The following LEPROTL1 variants were observed in gnomAD, a reference collection of about 807,000 sequenced individuals.
LEPROTL1 encodes leptin receptor overlapping transcript like 1, also known as leptin receptor overlapping transcript-like 1.
Under a neutral mutation model 15.4 loss-of-function variants are expected in LEPROTL1, and 6 were observed. The ratio of observed to expected loss-of-function variants is 0.39; its 90% CI spans 0.21 to 0.77. The LOEUF (loss-of-function observed/expected upper bound fraction) is 0.77, where lower values mean the gene tolerates loss of function less well. Ranked by LOEUF, LEPROTL1 falls within the 30% of genes least tolerant of loss-of-function variation. The pLI is 0.41. For missense variants in LEPROTL1, 128 were observed against 158.1 expected (o/e 0.81, Z 1.02); for synonymous variants, 56 against 52.6 (o/e 1.06, Z -0.28).
intron 3 of LEPROTL1, chr8:30,132,173 G>A: frequency 6.4e-7 from 1 of 1,551,866 alleles, no homozygotes; most frequent in Non-Finnish European, 8.7e-7. Context: ...GAGTGAATCA[G>A]GTAGTCAGCT....
At chr8:30,112,040 T>C (rs1802659197), downstream of LEPROTL1, among the ~76,000 whole-genome samples, 1 of 152,152 alleles carries the variant, frequency 6.6e-6, no homozygotes, top group Non-Finnish European at 1.5e-5. Context: ...TACCAAGTTT[T>C]TGCTCATCCA....
chr8:30,112,062 TAGGAGTAA>T (rs772661316), downstream of LEPROTL1, among the ~76,000 whole-genome samples: 21 of 152,106 alleles, frequency 1.4e-4, no homozygotes, highest in Non-Finnish European at 3.1e-4. Flanking sequence ...ATCACCTGGA[TAGGAGTAA>T]AGGAGTAGTA....
Position 30,097,698 on chromosome 8 carries a change from TAC to T in LEPROTL1, c.16+2198_16+2199del, listed in dbSNP as rs71204262. On this transcript the variant is annotated intron_variant, in intron 1 of 3. Transcript: ENST00000321250. ...AAAAAAAAAAAAATATATATATATA[TAC>T]ACACACACACACACACACACACACA... is the stretch of plus-strand genomic sequence containing the variant. Among the ~76,000 whole-genome samples the T allele has an allele frequency of 1.0e-3, 111 of 108,766 alleles. 1 individual carries two copies. The Middle Eastern group carries it at 0.03, about 29-fold the overall frequency. 71.4% of individuals were successfully genotyped at this position (108,766 alleles called of 152,430 possible).
Position 30,107,251 on chromosome 8 carries a change from A to T in LEPROTL1, c.*1389A>T. On this transcript the variant is annotated 3_prime_UTR_variant, in exon 4 of 4. Transcript: ENST00000321250. ...CTTCAGAAACATACCTGACCAAAAA[A>T]TTCCCAGTAACCAGGCATGATCAAT... 2.0e-6 allele frequency: 2 copies of T among 985,510 alleles called. No individual in the cohort carries two copies. Among genetic ancestry groups the T allele is most frequent in the Non-Finnish European group, 2.4e-6 (2 of 829,936 alleles). 61.0% of individuals were successfully genotyped at this position (985,510 alleles called of 1,614,324 possible). A position where few individuals can be genotyped will look rare whatever the true frequency, so the allele number is the denominator to read the frequency against.
chr8:30,129,397 T>C (rs541871529), intron 3 of LEPROTL1, among the ~76,000 whole-genome samples: 10 of 152,216 alleles, frequency 6.6e-5, no homozygotes, highest in Non-Finnish European at 1.3e-4. Context: ...TAGTCTGTTC[T>C]CGTAGTGCTA....
intron 3 of LEPROTL1, among the ~76,000 whole-genome samples, chr8:30,127,287 TCA>T (rs1802918453): frequency 6.6e-6 from 1 of 152,134 alleles, no homozygotes; most frequent in East Asian, 1.9e-4. Flanking sequence ...CACCAAACTC[TCA>T]GACACTATTT....
intron 3 of LEPROTL1, among the ~76,000 whole-genome samples, chr8:30,114,887 G>A (rs999209681): frequency 2.6e-5 from 4 of 152,018 alleles, no homozygotes; most frequent in African/African-American, 9.7e-5. Flanking sequence ...TCTGCCTGGG[G>A]GTCACACGCA....
chr8:30,134,073 C>A (rs570736700), intron 4 of LEPROTL1, among the ~76,000 whole-genome samples: 1 of 152,310 alleles, frequency 6.6e-6, no homozygotes, highest in Non-Finnish European at 1.5e-5. Context: ...TGAGCCTGTA[C>A]TCAAAGATAA....
At chr8:30,112,304 C>T (rs868178152), downstream of LEPROTL1, among the ~76,000 whole-genome samples, 5 of 149,924 alleles carry the variant, frequency 3.3e-5, no homozygotes, top group African/African-American at 4.9e-5. Flanking sequence ...GGTGTGATCT[C>T]GGCTCACTGC....
At position 30,101,970 on chromosome 8, in the gene LEPROTL1, A is replaced by T. The variant is rs748645382; in HGVS notation, c.89A>T (p.Tyr30Phe). The T allele has an allele frequency of 2.5e-6, 4 of 1,590,608 alleles. No homozygotes were observed. Among genetic ancestry groups the T allele is most frequent in the African/African-American group, 2.7e-5 (2 of 74,250 alleles). Residue 30 changes from tyrosine (Y) to phenylalanine (F), a missense_variant, in exon 2 of 4, where the codon TAC (tyrosine) becomes TTC (phenylalanine). By Grantham distance (22) the Tyr-to-Phe change is conservative. Coordinates refer to ENST00000321250, the MANE Select transcript of LEPROTL1 (RefSeq NM_015344.3). ...ATGCTTGGATGTGCCCTTCCAATAT[A>T]CAAGTATGTAAAATGTTTGTCTTTC... Reference protein sequence around the residue: ...FLMLGCALPIYNKYWPLFVLF... With the variant: ...FLMLGCALPIFNKYWPLFVLF...
At chr8:30,102,009 G>T (rs1233151209) in intron 2 of LEPROTL1, 36 bp downstream of exon 2, 1 of 1,381,800 alleles carries the variant, frequency 7.2e-7, no homozygotes, top group Non-Finnish European at 1.0e-6. Context: ...ATATTTAAGG[G>T]TAAAATTTTT....
chr8:30,122,979 C>T (rs1511166), intron 3 of LEPROTL1, among the ~76,000 whole-genome samples: 4,209 of 152,262 alleles, frequency 0.028, 212 homozygotes, highest in African/African-American at 0.096. Flanking sequence ...CTTAACAGTA[C>T]GTGTTTGTCT....
chr8:30,115,826 T>A (rs12682629), intron 3 of LEPROTL1, among the ~76,000 whole-genome samples: 130,784 of 152,026 alleles, frequency 0.86, 57,411 homozygotes, highest in South Asian at 0.98. Context: ...TATAAAAATT[T>A]TAATACCCAG....
At chr8:30,127,924 T>C (rs182819247) in intron 3 of LEPROTL1, among the ~76,000 whole-genome samples, 1 of 151,956 alleles carries the variant, frequency 6.6e-6, no homozygotes, top group African/African-American at 2.4e-5. Context: ...CTACCAGTCA[T>C]GTAGCAAAGG....
chr8:30,115,487 C>A (rs1462713039), intron 3 of LEPROTL1, among the ~76,000 whole-genome samples: 3 of 151,672 alleles, frequency 2.0e-5, no homozygotes, highest in Non-Finnish European at 4.4e-5. Flanking sequence ...ATCCTCCTAC[C>A]TCAGCCTCCC....
chr8:30,128,307 A>G (rs534472087), intron 3 of LEPROTL1, among the ~76,000 whole-genome samples: 1 of 152,340 alleles, frequency 6.6e-6, no homozygotes, highest in South Asian at 2.1e-4. Context: ...TGGTTTAACC[A>G]ATCAGAGGAG....
At chr8:30,096,550 C>A in intron 1 of LEPROTL1, 2 of 215,030 alleles carry the variant, frequency 9.3e-6, no homozygotes, top group Non-Finnish European at 1.6e-5. Flanking sequence ...TTTCATTTCC[C>A]ATATAAAACC....
intron 3 of LEPROTL1, among the ~76,000 whole-genome samples, chr8:30,124,919 G>A (rs1234740656): frequency 6.6e-6 from 1 of 152,152 alleles, no homozygotes; most frequent in Non-Finnish European, 1.5e-5. Flanking sequence ...CAATTTAGAA[G>A]CAAAGTTGTG....
At chr8:30,102,271 A>G (rs1022936772) in intron 2 of LEPROTL1, among the ~76,000 whole-genome samples, 13 of 152,166 alleles carry the variant, frequency 8.5e-5, no homozygotes, top group Admixed American at 5.2e-4. Flanking sequence ...TGATAATACT[A>G]ATTACAAGAA....
Sources: gnomAD v4.1 joint callset for allele counts (sites outside exome capture counted in the v4.1 genomes callset) on GRCh38, gnomAD v4.1.1 for gene constraint, MANE v1.5 for transcripts, NCBI Gene and HGNC (gene_info 2026-07-23, HGNC 2026-07-21) for gene names.